The following RAB11FIP4 variants were observed in gnomAD, a reference collection of about 807,000 sequenced individuals.
The protein encoded by RAB11FIP4 is rab11 family-interacting protein 4.
RAB11FIP4 carries 23 observed loss-of-function variants against 74.3 expected under a neutral mutation model. The ratio of observed to expected loss-of-function variants is 0.31; its 90% CI spans 0.22 to 0.44. The LOEUF is 0.44. Among genes scored for constraint, RAB11FIP4 ranks in the 20% least tolerant of loss-of-function variants. RAB11FIP4 has a pLI of 1.00. For missense variants in RAB11FIP4, 630 were observed against 863.9 expected, an observed-to-expected ratio of 0.73 and a Z score of 3.39; for synonymous variants, 360 against 359.9, an observed-to-expected ratio of 1.00 and a Z score of 0.00.
intron 3 of RAB11FIP4, among the ~76,000 whole-genome samples, chr17:31,503,916 T>C (rs2072268445): frequency 6.7e-6 from 1 of 149,726 alleles, no homozygotes; most frequent in African/African-American, 2.6e-5. Flanking sequence ...ATTTCTGTTA[T>C]ATGTAATTTA....
chr17:31,447,599 T>C (rs1364729673), intron 3 of RAB11FIP4, among the ~76,000 whole-genome samples: 1 of 152,220 alleles, frequency 6.6e-6, no homozygotes, highest in Admixed American at 6.5e-5. Context: ...CTTGGCTCAC[T>C]GCAACCTCCG....
At chr17:31,400,342 G>A (rs2070972966) in intron 1 of RAB11FIP4, among the ~76,000 whole-genome samples, 1 of 152,230 alleles carries the variant, frequency 6.6e-6, no homozygotes, top group Non-Finnish European at 1.5e-5. Flanking sequence ...CGTGGTCCAG[G>A]CAGAGGCAGG....
At chr17:31,451,657 A>C (rs1374856486) in intron 3 of RAB11FIP4, among the ~76,000 whole-genome samples, 4 of 151,846 alleles carry the variant, frequency 2.6e-5, no homozygotes, top group African/African-American at 4.8e-5. Context: ...TCTGTTCCTC[A>C]AACTGCCCAA....
At chr17:31,444,357 C>CG (rs1555544265) in intron 3 of RAB11FIP4, among the ~76,000 whole-genome samples, 2 of 148,328 alleles carry the variant, frequency 1.3e-5, no homozygotes, top group African/African-American at 2.5e-5. Context: ...ACACCCCCCC[C>CG]ACCCTTCTAA....
intron 3 of RAB11FIP4, among the ~76,000 whole-genome samples, chr17:31,450,469 C>G (rs1367554985): frequency 6.6e-6 from 1 of 151,908 alleles, no homozygotes; most frequent in African/African-American, 2.4e-5. Context: ...CTCAGCCTCC[C>G]AAGTAGCTGG....
chr17:31,445,556 ATATATATATATATATATATATATT>A lies in RAB11FIP4; in HGVS notation c.336+11436_336+11459del, dbSNP rs2071447958. On this transcript the variant is annotated intron_variant, in intron 3 of 14. Transcript: ENST00000621161. ...TTTATATATATATATATATATATAT[ATATATATATATATATATATATATT>A]TTTTTTTTTTTTTTTTTTTTTTTGA... is the stretch of plus-strand genomic sequence containing the variant. Among the ~76,000 whole-genome samples, 26 of 18,936 alleles carry A rather than the reference ATATATATATATATATATATATATT, an allele frequency of 1.4e-3. 2 individuals carry two copies. Among genetic ancestry groups the A allele is most frequent in the South Asian group, 7.4e-3 (5 of 676 alleles). The allele number at this position is 18,936 out of a possible 152,430, so 12.4% of individuals were successfully genotyped here. A position where few individuals can be genotyped will look rare whatever the true frequency, so the allele number is the denominator to read the frequency against.
Position 31,391,951 on chromosome 17 carries a change from C to T in RAB11FIP4, c.99C>T (p.Asp33=). Residue 33 remains aspartate, a synonymous_variant, in exon 1 of 15, where the codon GAC becomes GAT. Transcript: ENST00000621161. ...EVFEVCGRDP[D]GFLRVERVAA... is the part of the protein sequence containing the mutation. ...TCGAGGTGTGCGGCCGCGACCCCGA[C>T]GGCTTCCTGCGCGTGGAGCGCGTCG... 7.2e-7 allele frequency: 1 copy of T among 1,383,750 alleles called. No homozygotes were observed. The highest frequency in any genetic ancestry group is 9.4e-7 in the Non-Finnish European group (1 of 1,064,994). 85.7% of individuals were successfully genotyped at this position (1,383,750 alleles called of 1,614,324 possible).
intron 3 of RAB11FIP4, among the ~76,000 whole-genome samples, chr17:31,503,873 C>T (rs1019200503): frequency 1.3e-5 from 2 of 149,384 alleles, no homozygotes; most frequent in Admixed American, 6.6e-5. Flanking sequence ...GCGAATAAAC[C>T]GATCAAAAAA....
chr17:31,519,535 C>G (rs1029233973), intron 4 of RAB11FIP4, among the ~76,000 whole-genome samples: 12 of 152,296 alleles, frequency 7.9e-5, no homozygotes, highest in African/African-American at 2.9e-4. Flanking sequence ...TGGTGGGAAG[C>G]TGCCACCATT....
At position 31,517,818 on chromosome 17, in the gene RAB11FIP4, T is replaced by C; in HGVS notation, c.504T>C (p.Ser168=). The C allele has an allele frequency of 6.4e-7, 1 of 1,552,670 alleles. No homozygotes were observed. The highest frequency in any genetic ancestry group is 2.0e-5 in the Admixed American group (1 of 51,030). The change falls in exon 4 of 15, where the codon TCT becomes TCC. Residue 168 remains serine (S), a synonymous_variant. Coordinates refer to ENST00000621161, the MANE Select transcript of RAB11FIP4 (RefSeq NM_032932.6). ...PMESTQSLEG[S]VGSPAEKDGG... is the part of the protein sequence containing the mutation. ...AGAGCACTCAGAGCCTGGAGGGGTCTGTCGGGAGTCCTGCCGAGAAGGACG... is the reference window on the plus strand; with the variant it reads ...AGAGCACTCAGAGCCTGGAGGGGTCCGTCGGGAGTCCTGCCGAGAAGGACG...
chr17:31,412,631 AC>A (rs2071109113), intron 1 of RAB11FIP4, among the ~76,000 whole-genome samples: 1 of 152,106 alleles, frequency 6.6e-6, no homozygotes, highest in South Asian at 2.1e-4. Flanking sequence ...GGGCGGGGCC[AC>A]CTTAATCTCT....
At chr17:31,424,061 A>C (rs867436684) in intron 1 of RAB11FIP4, among the ~76,000 whole-genome samples, 74 of 152,150 alleles carry the variant, frequency 4.9e-4, no homozygotes, top group Middle Eastern at 3.4e-3. Flanking sequence ...TTCTCATCAG[A>C]AAGAGAGTTT....
chr17:31,504,161 C>T (rs958717580), intron 3 of RAB11FIP4, among the ~76,000 whole-genome samples: 3 of 142,064 alleles, frequency 2.1e-5, no homozygotes, highest in Non-Finnish European at 4.5e-5. Context: ...GACATTGTCT[C>T]GCTCTGTCAC....
At chr17:31,461,154 A>G (rs1369574406) in intron 3 of RAB11FIP4, among the ~76,000 whole-genome samples, 4 of 149,318 alleles carry the variant, frequency 2.7e-5, no homozygotes. Context: ...CACCACCCTT[A>G]TAGCCCCACC....
intron 3 of RAB11FIP4, among the ~76,000 whole-genome samples, chr17:31,495,244 G>A (rs927795998): frequency 1.3e-5 from 2 of 152,160 alleles, no homozygotes; most frequent in African/African-American, 4.8e-5. Flanking sequence ...GACTGCCCTT[G>A]GTAGTTAACC....
intron 3 of RAB11FIP4, among the ~76,000 whole-genome samples, chr17:31,461,641 C>T (rs2071634724): frequency 6.6e-6 from 1 of 152,046 alleles, no homozygotes; most frequent in Non-Finnish European, 1.5e-5. Context: ...CCTGGGATCT[C>T]AAACTCCCAA....
intron 3 of RAB11FIP4, among the ~76,000 whole-genome samples, chr17:31,473,989 T>G (rs2071765441): frequency 6.6e-6 from 1 of 152,124 alleles, no homozygotes; most frequent in Non-Finnish European, 1.5e-5. Context: ...CTGGTCCAGG[T>G]GGGGACACAA....
intron 3 of RAB11FIP4, among the ~76,000 whole-genome samples, chr17:31,444,587 G>A (rs933863129): frequency 3.3e-5 from 5 of 152,194 alleles, no homozygotes; most frequent in African/African-American, 1.2e-4. Context: ...GAGACGCTAA[G>A]CTGAGCTGGC....
At chr17:31,480,553 C>T (rs534634228) in intron 3 of RAB11FIP4, among the ~76,000 whole-genome samples, 2 of 152,130 alleles carry the variant, frequency 1.3e-5, no homozygotes, top group South Asian at 2.1e-4. Context: ...ACTTTGAGGC[C>T]GAGGTGGGTG....
Sources: allele counts gnomAD v4.1 joint callset (sites outside exome capture counted in the v4.1 genomes callset), GRCh38; gene constraint gnomAD v4.1.1; transcripts MANE v1.5; gene names NCBI Gene and HGNC (gene_info 2026-07-23, HGNC 2026-07-21).